Variants in CASZ1 observed in about 807,000 individuals in gnomAD.
CASZ1 encodes zinc finger protein castor homolog 1.
In CASZ1, 28 loss-of-function variants were observed where a neutral mutation model predicts 135.2. The ratio of observed to expected loss-of-function variants is 0.21; its 90% CI spans 0.15 to 0.28. The LOEUF (loss-of-function observed/expected upper bound fraction) is 0.28. Ranked by LOEUF, CASZ1 falls within the 10% of genes least tolerant of loss-of-function variation. The pLI is 1.00. For synonymous variants in CASZ1, 1,068 were observed against 1,073.4 expected (o/e 0.99, Z 0.10); for missense variants, 2,161 against 2,453.3 (o/e 0.88, Z 2.52).
At chr1:10,736,322 C>T (rs1057278377) in intron 2 of CASZ1, among the ~76,000 whole-genome samples, 4 of 152,218 alleles carry the variant, frequency 2.6e-5, no homozygotes, top group Non-Finnish European at 5.9e-5. Context: ...CAGCATCTGC[C>T]ACCTGGACAA....
intron 1 of CASZ1, among the ~76,000 whole-genome samples, chr1:10,793,735 G>A (rs1007968119): frequency 1.4e-4 from 21 of 151,186 alleles, no homozygotes; most frequent in Admixed American, 1.4e-3. Context: ...GGGGGGCGGG[G>A]CGGCGATCTC....
At chr1:10,748,109 C>T (rs931271638) in intron 2 of CASZ1, among the ~76,000 whole-genome samples, 9 of 152,166 alleles carry the variant, frequency 5.9e-5, no homozygotes, top group African/African-American at 1.9e-4. Context: ...TGAGCCACTG[C>T]GCCCGGCCAT....
At chr1:10,737,935 C>T (rs1315819950) in intron 2 of CASZ1, among the ~76,000 whole-genome samples, 1 of 152,232 alleles carries the variant, frequency 6.6e-6, no homozygotes, top group Non-Finnish European at 1.5e-5. Flanking sequence ...GACACAAGCT[C>T]AGCCCTGGTA....
chr1:10,668,378 C>A (rs1280161974), intron 4 of CASZ1, among the ~76,000 whole-genome samples: 1 of 152,236 alleles, frequency 6.6e-6, no homozygotes, highest in African/African-American at 2.4e-5. Context: ...CCTGTCACTG[C>A]CCCTTTCATC....
chr1:10,742,445 C>T (rs1363389522), intron 2 of CASZ1, among the ~76,000 whole-genome samples: 1 of 152,166 alleles, frequency 6.6e-6, no homozygotes, highest in Non-Finnish European at 1.5e-5. Flanking sequence ...GTAAAGTGAA[C>T]AGGCAGAGAT....
chr1:10,742,481 TC>T, intron 2 of CASZ1, among the ~76,000 whole-genome samples: 1 of 152,258 alleles, frequency 6.6e-6, no homozygotes, highest in South Asian at 2.1e-4. Flanking sequence ...GTCCATTCTC[TC>T]CCCAGTCCCT....
At chr1:10,675,344 G>A (rs1643533677) in intron 4 of CASZ1, among the ~76,000 whole-genome samples, 1 of 152,206 alleles carries the variant, frequency 6.6e-6, no homozygotes, top group African/African-American at 2.4e-5. Context: ...GAGCCAGGGA[G>A]TCCTGAGGCC....
At chr1:10,648,821 G>A (rs778129020) in intron 15 of CASZ1, 5 of 520,802 alleles carry the variant, frequency 9.6e-6, no homozygotes, top group East Asian at 3.4e-5. Flanking sequence ...CCCTGGGGAC[G>A]TGGGTGCAGC....
chr1:10,669,793 C>T (rs1294946278), intron 4 of CASZ1, among the ~76,000 whole-genome samples: 3 of 144,106 alleles, frequency 2.1e-5, no homozygotes, highest in African/African-American at 7.5e-5. Flanking sequence ...CCCAGGGGGC[C>T]GGGCAGGCCT....
In CASZ1 at chr1:10,665,180, C is replaced by T. The variant is rs145386278; in HGVS notation, c.408G>A (p.Ala136=). ...CACCGCCGTCCTTGGAGGGCTCCTCCGCGTGGTCTTCCTCATCGCTGCACC... is the reference window on the plus strand; with the variant it reads ...CACCGCCGTCCTTGGAGGGCTCCTCTGCGTGGTCTTCCTCATCGCTGCACC... ...PQGCSDEEDH[A]EEPSKDGGAL... is the part of the protein sequence containing the mutation. The change falls in exon 5 of 21, where the codon GCG becomes GCA. Residue 136 remains alanine (A), a synonymous_variant. Coordinates refer to ENST00000377022, the MANE Select transcript of CASZ1 (RefSeq NM_001079843.3). The T allele has an allele frequency of 4.3e-5, 67 of 1,568,014 alleles. No homozygotes were observed. Among genetic ancestry groups the T allele is most frequent in the African/African-American group, 1.6e-4 (12 of 73,908 alleles).
intron 1 of CASZ1, among the ~76,000 whole-genome samples, chr1:10,773,844 G>A (rs1640616154): frequency 6.6e-6 from 1 of 152,236 alleles, no homozygotes; most frequent in Non-Finnish European, 1.5e-5. Flanking sequence ...CTTCTAGTCT[G>A]GGCTGGGGCT....
In CASZ1 at chr1:10,642,655, C is replaced by T. The variant is rs11121601; in HGVS notation, c.4162+204G>A. On this transcript the variant is annotated intron_variant, in intron 20 of 20. Transcript: ENST00000377022. ...CCCAGGGTCCTCTCCCGGAAACTGA[C>T]GCAAAGGGCAGTGCCAGGGAGGCGG... Among the ~76,000 whole-genome samples the T allele has an allele frequency of 0.14, 21,183 of 152,034 alleles. 1,620 individuals carry two copies. The highest frequency in any genetic ancestry group is 0.27 in the Middle Eastern group (78 of 290).
chr1:10,685,612 C>T (rs990732208), intron 4 of CASZ1, among the ~76,000 whole-genome samples: 22 of 152,224 alleles, frequency 1.4e-4, no homozygotes, highest in African/African-American at 4.3e-4. Context: ...CTCCCCAACC[C>T]GGGAGCCCTC....
At chr1:10,772,654 G>A (rs544649510) in intron 1 of CASZ1, among the ~76,000 whole-genome samples, 9 of 152,240 alleles carry the variant, frequency 5.9e-5, no homozygotes, top group East Asian at 1.9e-4. Flanking sequence ...CCAGTTTAAC[G>A]AGGGCAGGGT....
intron 11 of CASZ1, chr1:10,652,389 C>T (rs11576158): frequency 6.6e-6 from 1 of 152,310 alleles, no homozygotes; most frequent in African/African-American, 2.4e-5. Flanking sequence ...GGCGTCCCGC[C>T]TGCTGTGTCC....
chr1:10,660,000 G>C lies in CASZ1; in HGVS notation c.1042C>G (p.His348Asp). Residue 348 changes from histidine (H) to aspartate (D), a missense_variant, in exon 6 of 21, where the codon CAC becomes GAC. Around this residue, in one of 7 missense-constraint regions of CASZ1, gnomAD observed 590 missense variants for 609.8 expected, o/e 0.97. Transcript: ENST00000377022. ...CTGCCCTCCCCGGGTTTGAAGAGGT[G>C]CAGGTACTTGACATTCTCCAGGTCG... is the stretch of plus-strand genomic sequence containing the variant. Reference protein sequence around the residue: ...KYDLENVKYLHLFKPGEGSPD... With the variant: ...KYDLENVKYLDLFKPGEGSPD... 6.2e-7 allele frequency: 1 copy of C among 1,613,980 alleles called. No homozygotes were observed. The highest frequency in any genetic ancestry group is 8.5e-7 in the Non-Finnish European group (1 of 1,180,012).
At chr1:10,758,106 C>T (rs557040493) in intron 2 of CASZ1, among the ~76,000 whole-genome samples, 7 of 152,300 alleles carry the variant, frequency 4.6e-5, no homozygotes, top group East Asian at 1.9e-4. Flanking sequence ...AATGTCACCA[C>T]GTCCTTGAGA....
At chr1:10,730,461 G>A (rs539546262) in intron 2 of CASZ1, among the ~76,000 whole-genome samples, 3 of 152,258 alleles carry the variant, frequency 2.0e-5, no homozygotes, top group East Asian at 3.9e-4. Flanking sequence ...TAGGGCCTTC[G>A]AGTCCAATGC....
chr1:10,678,768 G>A (rs963866384), intron 4 of CASZ1, among the ~76,000 whole-genome samples: 4 of 151,628 alleles, frequency 2.6e-5, no homozygotes, highest in South Asian at 2.1e-4. Context: ...TCCGTCCCCC[G>A]CCTGACAGAC....
Sources: allele counts gnomAD v4.1 joint callset (sites outside exome capture counted in the v4.1 genomes callset), GRCh38; gene constraint gnomAD v4.1.1; regional missense constraint gnomAD v4.1.1; transcripts MANE v1.5; gene names NCBI Gene and HGNC (gene_info 2026-07-23, HGNC 2026-07-21).